The following TP53BP1 variants were observed in gnomAD, a reference collection of about 807,000 sequenced individuals.
TP53BP1 encodes tumor protein p53 binding protein 1.
In TP53BP1, 61 loss-of-function variants were observed where a neutral mutation model predicts 200.8. That is an observed-to-expected ratio of 0.30 (90% CI 0.25 to 0.38). The LOEUF (loss-of-function observed/expected upper bound fraction) is 0.38. Ranked by LOEUF, TP53BP1 falls within the 10% of genes least tolerant of loss-of-function variation. The pLI is 1.00. For missense variants in TP53BP1, 2,144 were observed against 2,371.9 expected (o/e 0.90, Z 2.00); for synonymous variants, 822 against 844.3 (o/e 0.97, Z 0.46).
intron 15 of TP53BP1, among the ~76,000 whole-genome samples, chr15:43,439,741 C>A (rs552995624): frequency 3.3e-5 from 5 of 152,246 alleles, no homozygotes; most frequent in Non-Finnish European, 7.4e-5. Context: ...ACCATTCCAA[C>A]CCTCTGCTCA....
chr15:43,443,988 C>T (rs2045986788), intron 14 of TP53BP1, among the ~76,000 whole-genome samples: 1 of 152,190 alleles, frequency 6.6e-6, no homozygotes, highest in Admixed American at 6.5e-5. Flanking sequence ...CACACCCTGG[C>T]TATTGCACTT....
intron 27 of TP53BP1, 130 bp from the exon 28 acceptor site, chr15:43,407,700 G>T: frequency 2.2e-6 from 2 of 912,444 alleles, no homozygotes; most frequent in Non-Finnish European, 3.3e-6. Context: ...CAAACACACT[G>T]CTACTGATCA....
intron 4 of TP53BP1, 134 bp from the exon 5 acceptor site, chr15:43,481,156 G>T: frequency 3.3e-6 from 3 of 908,180 alleles, no homozygotes; most frequent in Non-Finnish European, 4.9e-6. Context: ...CCTTTATAGT[G>T]CTTCTTTCTA....
At chr15:43,435,875 T>C (rs1176156283) in intron 16 of TP53BP1, among the ~76,000 whole-genome samples, 1 of 152,116 alleles carries the variant, frequency 6.6e-6, no homozygotes, top group Admixed American at 6.6e-5. Context: ...TTTGTATTTT[T>C]AGTAGAGACA....
intron 4 of TP53BP1, among the ~76,000 whole-genome samples, chr15:43,485,877 T>G (rs1004287788): frequency 1.3e-5 from 2 of 151,732 alleles, no homozygotes. Flanking sequence ...TCAAAAAAAT[T>G]TGTAGAATGA....
intron 16 of TP53BP1, 122 bp downstream of exon 16, chr15:43,438,202 C>A: frequency 1.3e-6 from 1 of 746,062 alleles, no homozygotes; most frequent in Non-Finnish European, 2.2e-6. Flanking sequence ...CACTGTTGCA[C>A]TGGGGGTTAA....
At chr15:43,510,147 C>G (rs2079264131) in intron 1 of TP53BP1, among the ~76,000 whole-genome samples, 1 of 129,690 alleles carries the variant, frequency 7.7e-6, no homozygotes, top group South Asian at 2.3e-4. Flanking sequence ...AAACACTGCT[C>G]CTTCTGTTTT....
In TP53BP1 at chr15:43,406,534, G is replaced by A. The variant is rs962085720; in HGVS notation, c.*849C>T. On this transcript the variant is annotated 3_prime_UTR_variant, in exon 28 of 28. Transcript: ENST00000382044. ...GTTGCTTTCATGCCCTCACAGCAAA[G>A]GCGAGTAGTTGTGATGGATCAAATG... 1 of 454,306 alleles carries A rather than the reference G, an allele frequency of 2.2e-6. No individual in the cohort carries two copies. Among genetic ancestry groups the A allele is most frequent in the Non-Finnish European group, 4.4e-6 (1 of 226,188 alleles). 28.1% of individuals were successfully genotyped at this position (454,306 alleles called of 1,614,324 possible). A position where few individuals can be genotyped will look rare whatever the true frequency, so the allele number is the denominator to read the frequency against.
chr15:43,420,681 T>A lies in TP53BP1; in HGVS notation c.4305A>T (p.Ser1435=). ...LGIEDISPNL[S]PDDKSFSRVV... is the part of the protein sequence containing the mutation. ...CACGGCTGAAGGATTTATCATCTGG[T>A]GACAAGTTAGGTGAAATGTCCTCTA... is the stretch of plus-strand genomic sequence containing the variant. The change falls in exon 21 of 28, where the codon TCA becomes TCT. Residue 1435 remains serine, a synonymous_variant. Coordinates refer to ENST00000382044, the MANE Select transcript of TP53BP1 (RefSeq NM_001141980.3). 6.2e-7 allele frequency: 1 copy of A among 1,614,206 alleles called. No homozygotes were observed. The highest frequency in any genetic ancestry group is 2.2e-5 in the East Asian group (1 of 44,884).
chr15:43,492,009 C>T lies in TP53BP1; in HGVS notation c.279G>A (p.Lys93=). The change falls in exon 3 of 28, where the codon AAG becomes AAA. Residue 93 remains lysine (K), a synonymous_variant. Coordinates refer to ENST00000382044, the MANE Select transcript of TP53BP1 (RefSeq NM_001141980.3). ...SGFNEHLKEN[K]VADPVDSSNL... ...TAGCTTTAAACACCTCACCTGCAAC[C>T]TTGTTTTCTTTCAAATGTTCATTGA... The T allele has an allele frequency of 3.1e-6, 5 of 1,613,302 alleles. No individual in the cohort carries two copies. The highest frequency in any genetic ancestry group is 1.1e-5 in the South Asian group (1 of 91,068).
rs2046286318 is a variant in TP53BP1 at position 43,456,054 on chromosome 15, C to G, written c.2554G>C (p.Asp852His). The G allele has an allele frequency of 1.2e-6, 2 of 1,613,990 alleles. No homozygotes were observed. The highest frequency in any genetic ancestry group is 1.7e-6 in the Non-Finnish European group (2 of 1,180,044). The stretch of plus-strand genomic sequence containing the variant: ...GTTTGGGGCTGCTGCAACTCCTGGT[C>G]AAGTCTTAAAGGATCATCTGCTCTC... ...LVRADDPLRL[D>H]QELQQPQTQE... Residue 852 changes from aspartate to histidine, a missense_variant, in exon 12 of 28, where the codon GAC (aspartate) becomes CAC (histidine). Asp to His is a moderately conservative substitution (Grantham distance 81). Transcript: ENST00000382044.
At chr15:43,503,752 G>A (rs1299211159) in intron 1 of TP53BP1, among the ~76,000 whole-genome samples, 2 of 151,974 alleles carry the variant, frequency 1.3e-5, no homozygotes, top group East Asian at 3.9e-4. Context: ...GTCTCACCCT[G>A]CCTTCTCCTG....
rs930312791 is a variant in TP53BP1 at position 43,412,710 on chromosome 15, G to A, written c.5305+409C>T. On this transcript the variant is annotated intron_variant, in intron 24 of 27. Coordinates refer to ENST00000382044, the MANE Select transcript of TP53BP1 (RefSeq NM_001141980.3). ...TTGCTCTAGCAGATGCCCATAGAAC[G>A]CAAATGGGGAAGATGGCAGGGCATT... is the stretch of plus-strand genomic sequence containing the variant. 44 of 471,576 alleles carry A rather than the reference G, an allele frequency of 9.3e-5. 1 individual carries two copies. Among genetic ancestry groups the A allele is most frequent in the Middle Eastern group, 3.2e-4 (1 of 3,106 alleles). 29.2% of individuals were successfully genotyped at this position (471,576 alleles called of 1,614,324 possible).
chr15:43,416,160 A>C, intron 22 of TP53BP1, 65 bp downstream of exon 22: 3 of 1,424,692 alleles, frequency 2.1e-6, no homozygotes, highest in Non-Finnish European at 2.9e-6. Flanking sequence ...ACAGGTCCAG[A>C]ATCTCCTCCC....
chr15:43,499,683 T>A (rs1197514779), intron 1 of TP53BP1, among the ~76,000 whole-genome samples: 1 of 152,150 alleles, frequency 6.6e-6, no homozygotes, highest in Non-Finnish European at 1.5e-5. Flanking sequence ...TCTCAAGAAC[T>A]GAAAGTCAGA....
At chr15:43,443,313 T>C (rs187662361) in intron 14 of TP53BP1, among the ~76,000 whole-genome samples, 39 of 152,318 alleles carry the variant, frequency 2.6e-4, no homozygotes, top group Admixed American at 2.3e-3. Flanking sequence ...TTTAGGTTGA[T>C]GAACTAATTT....
intron 10 of TP53BP1, among the ~76,000 whole-genome samples, chr15:43,472,820 T>C (rs2046759261): frequency 6.6e-6 from 1 of 152,180 alleles, no homozygotes; most frequent in Non-Finnish European, 1.5e-5. Flanking sequence ...TCAATAGAAT[T>C]AGTGCTAGAA....
Position 43,440,500 on chromosome 15 carries a change from G to GT in TP53BP1, c.3098+1025dup, listed in dbSNP as rs570960736. ...ACTGCACTCCAGCCTGGATGACAGAGTGAGACTCCGTCTCAAAAAAAAAAA... is the reference window on the plus strand; with the variant it reads ...ACTGCACTCCAGCCTGGATGACAGAGTTGAGACTCCGTCTCAAAAAAAAAAA... On this transcript the variant is annotated intron_variant, in intron 15 of 27. Coordinates refer to ENST00000382044, the MANE Select transcript of TP53BP1 (RefSeq NM_001141980.3). Among the ~76,000 whole-genome samples the GT allele has an allele frequency of 4.6e-4, 69 of 148,916 alleles. 1 individual carries two copies. Among genetic ancestry groups the GT allele is most frequent in the African/African-American group, 1.7e-3 (67 of 39,880 alleles).
At position 43,493,113 on chromosome 15, in the gene TP53BP1, C is replaced by G; in HGVS notation, c.-70G>C. 1 of 1,601,442 alleles carries G rather than the reference C, an allele frequency of 6.2e-7. No homozygotes were observed. Among genetic ancestry groups the G allele is most frequent in the Non-Finnish European group, 8.5e-7 (1 of 1,176,314 alleles). On this transcript the variant is annotated 5_prime_UTR_variant, in exon 1 of 28. Transcript: ENST00000382044. ...CTCCCCAAGTCCCTCCAGATCGATC[C>G]CTAGGTCGCCGCTGTCGCCACCGCC...
Sources: allele counts gnomAD v4.1 joint callset (sites outside exome capture counted in the v4.1 genomes callset), GRCh38; gene constraint gnomAD v4.1.1; transcripts MANE v1.5; gene names NCBI Gene and HGNC (gene_info 2026-07-23, HGNC 2026-07-21).